The following NCDN variants were observed in gnomAD, a reference collection of about 807,000 sequenced individuals.
NCDN encodes the protein norbin.
Under a neutral mutation model 60.7 loss-of-function variants are expected in NCDN, and 9 were observed. That is an observed-to-expected ratio of 0.15 (90% CI 0.09 to 0.26). The LOEUF (loss-of-function observed/expected upper bound fraction) is 0.26. Among genes scored for constraint, NCDN ranks in the 10% least tolerant of loss-of-function variants. The probability of loss-of-function intolerance (pLI) is 1.00; values close to 1 mark genes in which losing one functional copy is unlikely to be tolerated. For synonymous variants in NCDN, 409 were observed against 442.5 expected (o/e 0.92, Z 0.95); for missense variants, 578 against 975.2 (o/e 0.59, Z 5.42).
In NCDN at chr1:35,558,449, C is replaced by T. The variant is rs1648497503; in HGVS notation, c.33+226C>T. 6.9e-7 allele frequency: 1 copy of T among 1,439,478 alleles called. No individual in the cohort carries two copies. The highest frequency in any genetic ancestry group is 9.1e-7 in the Non-Finnish European group (1 of 1,100,946). The allele number at this position is 1,439,478 out of a possible 1,614,324, so 89.2% of individuals were successfully genotyped here. On this transcript the variant is annotated intron_variant, in intron 1 of 6. Transcript: ENST00000373243. The surrounding 1 kb of genome is among the most constrained non-coding windows in gnomAD (Gnocchi z 6.3). ...GCTGCCGCCGCCGCTGCTGCTGCTG[C>T]TGCAGCCTCTACCCGAGGGAGGGAA...
Position 35,562,258 on chromosome 1 carries a change from G to A in NCDN, c.1144-134G>A, listed in dbSNP as rs1223948684. ...TGCTGGGTTCATGGGACAGAATAAA[G>A]GTTGGGGCCTGCCTTTGAAAGGCTC... On this transcript the variant is annotated intron_variant, in intron 3 of 6. Coordinates refer to ENST00000373243, the MANE Select transcript of NCDN (RefSeq NM_014284.3). The surrounding 1 kb of genome is among the most constrained non-coding windows in gnomAD (Gnocchi z 6.8). The A allele has an allele frequency of 4.6e-6, 6 of 1,308,354 alleles. No individual in the cohort carries two copies. The highest frequency in any genetic ancestry group is 6.4e-6 in the Non-Finnish European group (6 of 942,050). The allele number at this position is 1,308,354 out of a possible 1,614,324, so 81.0% of individuals were successfully genotyped here.
Position 35,562,314 on chromosome 1 carries a change from T to A in NCDN, c.1144-78T>A. 1 of 1,560,606 alleles carries A rather than the reference T, an allele frequency of 6.4e-7. No homozygotes were observed. ...CCAGAATTTCCTTCTAGTTGTATTA[T>A]TTCTAGCTGGCTGGCCTCTGGCAAG... On this transcript the variant is annotated intron_variant, in intron 3 of 6. Transcript: ENST00000373243. This position sits in a 1 kb window ranked among gnomAD's most constrained non-coding sequence, Gnocchi z 6.8.
At position 35,558,342 on chromosome 1, in the gene NCDN, T is replaced by A. The variant is rs1308007332; in HGVS notation, c.33+119T>A. On this transcript the variant is annotated intron_variant, in intron 1 of 6. Coordinates refer to ENST00000373243, the MANE Select transcript of NCDN (RefSeq NM_014284.3). The surrounding 1 kb of genome is among the most constrained non-coding windows in gnomAD (Gnocchi z 6.3). ...GGAACTATCCGGGACCCCCTCTTGC[T>A]TCTCCAGCCCCTGCCGGCATCCACA... is the stretch of plus-strand genomic sequence containing the variant. 2 of 1,550,516 alleles carry A rather than the reference T, an allele frequency of 1.3e-6. No homozygotes were observed. Among genetic ancestry groups the A allele is most frequent in the Admixed American group, 3.6e-5 (2 of 55,576 alleles).
At position 35,562,353 on chromosome 1, in the gene NCDN, C is replaced by T; in HGVS notation, c.1144-39C>T. 1 of 1,601,996 alleles carries T rather than the reference C, an allele frequency of 6.2e-7. No individual in the cohort carries two copies. The highest frequency in any genetic ancestry group is 8.5e-7 in the Non-Finnish European group (1 of 1,172,242). On this transcript the variant is annotated intron_variant, in intron 3 of 6. Transcript: ENST00000373243. The surrounding 1 kb of genome is among the most constrained non-coding windows in gnomAD (Gnocchi z 6.8). ...GCCTCTGGCAAGGCAGGGAGGGTCC[C>T]TGGTCCTGCTCCATCTCAAGGGGGT... is the stretch of plus-strand genomic sequence containing the variant.
At chr1:35,559,063 T>G (rs759954862) in intron 1 of NCDN, 44 bp from the exon 2 acceptor site, 867 of 399,754 alleles carry the variant, frequency 2.2e-3, no homozygotes, top group Non-Finnish European at 3.0e-3. Context: ...CCCACCCCCG[T>G]CCCTCCTCTG....
Position 35,565,911 on chromosome 1 carries a change from C to T in NCDN, c.*248C>T. On this transcript the variant is annotated 3_prime_UTR_variant, in exon 7 of 7. Coordinates refer to ENST00000373243, the MANE Select transcript of NCDN (RefSeq NM_014284.3). This position sits in a 1 kb window ranked among gnomAD's most constrained non-coding sequence, Gnocchi z 8.9. ...AATCAACGTGGTTGTCCCCGCCAGG[C>T]CGGGGAAGGTTGGAGCAGCCCCCAG... The T allele has an allele frequency of 5.9e-6, 3 of 510,228 alleles. No individual in the cohort carries two copies. The highest frequency in any genetic ancestry group is 4.8e-5 in the South Asian group (2 of 42,046). The allele number at this position is 510,228 out of a possible 1,614,324, so 31.6% of individuals were successfully genotyped here.
intron 2 of NCDN, among the ~76,000 whole-genome samples, chr1:35,559,893 C>T (rs921781905): frequency 6.6e-6 from 1 of 151,962 alleles, no homozygotes; most frequent in Non-Finnish European, 1.5e-5. Flanking sequence ...ACAGGCGGAG[C>T]GGCGAGACAC....
chr1:35,563,203 C>T lies in NCDN; in HGVS notation c.1387C>T (p.Leu463Phe). 1.2e-6 allele frequency: 2 copies of T among 1,611,668 alleles called. No individual in the cohort carries two copies. The highest frequency in any genetic ancestry group is 2.2e-5 in the South Asian group (2 of 90,928). The stretch of plus-strand genomic sequence containing the variant: ...CGTCTGTCCCTTCCACATCCCCAGG[C>T]TCCTCCTGCCTGGCTGGTGCCACCT... Reference protein sequence around the residue: ...GPTWPGDALRLLLPGWCHLTV... With the variant: ...GPTWPGDALRFLLPGWCHLTV... The change falls in exon 5 of 7, where the codon CTC (leucine) becomes TTC (phenylalanine). Residue 463 changes from leucine (L) to phenylalanine (F), a missense_variant and splice_region_variant. Physicochemically the swap from Leu to Phe is conservative, Grantham distance 22. This residue lies in a region of NCDN where 191 missense variants were observed against 372.1 expected (regional missense o/e 0.51). Transcript: ENST00000373243. The surrounding 1 kb of genome is among the most constrained non-coding windows in gnomAD (Gnocchi z 6.6).
Position 35,565,792 on chromosome 1 carries a change from CT to C in NCDN, c.*133del. The C allele has an allele frequency of 9.4e-7, 1 of 1,069,382 alleles. No individual in the cohort carries two copies. The highest frequency in any genetic ancestry group is 1.3e-6 in the Non-Finnish European group (1 of 769,752). The allele number at this position is 1,069,382 out of a possible 1,614,324, so 66.2% of individuals were successfully genotyped here. The stretch of plus-strand genomic sequence containing the variant: ...TCCCCAAAACACCCCAGCTTTCTGG[CT>C]TTTCTGAGGGCAAGGGCATGGTGCC... On this transcript the variant is annotated 3_prime_UTR_variant, in exon 7 of 7. Transcript: ENST00000373243. This position sits in a 1 kb window ranked among gnomAD's most constrained non-coding sequence, Gnocchi z 8.9.
chr1:35,558,727 C>A lies in NCDN; in HGVS notation c.34-380C>A. 1 of 1,145,284 alleles carries A rather than the reference C, an allele frequency of 8.7e-7. No homozygotes were observed. The highest frequency in any genetic ancestry group is 1.1e-6 in the Non-Finnish European group (1 of 924,588). 70.9% of individuals were successfully genotyped at this position (1,145,284 alleles called of 1,614,324 possible). A position where few individuals can be genotyped will look rare whatever the true frequency, so the allele number is the denominator to read the frequency against. ...CCCTGTCTGTCCTCACCACTCACTC[C>A]CTCTGTGTCCCTGTGGAGGGAGATA... On this transcript the variant is annotated intron_variant, in intron 1 of 6. Transcript: ENST00000373243. The surrounding 1 kb of genome is among the most constrained non-coding windows in gnomAD (Gnocchi z 6.3).
In NCDN at chr1:35,561,228, A is replaced by G. The variant is rs1426796827; in HGVS notation, c.1077A>G (p.Pro359=). The G allele has an allele frequency of 1.2e-6, 2 of 1,611,728 alleles. No individual in the cohort carries two copies. Among genetic ancestry groups the G allele is most frequent in the Non-Finnish European group, 1.7e-6 (2 of 1,179,382 alleles). The change falls in exon 3 of 7, where the codon CCA becomes CCG. Residue 359 remains proline, a synonymous_variant. Coordinates refer to ENST00000373243, the MANE Select transcript of NCDN (RefSeq NM_014284.3). This position sits in a 1 kb window ranked among gnomAD's most constrained non-coding sequence, Gnocchi z 4.9. Reference sequence around the variant, plus strand: ...GTGAGCAGTCACTGCTTAAGGAGCCACAGAAGGTGCAGCTCGTGAGCGTCA... The same window carrying G: ...GTGAGCAGTCACTGCTTAAGGAGCCGCAGAAGGTGCAGCTCGTGAGCGTCA... ...TRCEQSLLKE[P]QKVQLVSVMK...
Position 35,563,658 on chromosome 1 carries a change from T to C in NCDN, c.1611-109T>C. The C allele has an allele frequency of 7.3e-7, 1 of 1,372,156 alleles. No individual in the cohort carries two copies. Among genetic ancestry groups the C allele is most frequent in the South Asian group, 1.3e-5 (1 of 75,190 alleles). The allele number at this position is 1,372,156 out of a possible 1,614,324, so 85.0% of individuals were successfully genotyped here. ...TCCAATCTCTGCCCCCCAGATGCTA[T>C]GTTTGGGGCCCAAAGTTAATCACCC... On this transcript the variant is annotated intron_variant, in intron 5 of 6. Transcript: ENST00000373243. The surrounding 1 kb of genome is among the most constrained non-coding windows in gnomAD (Gnocchi z 6.6).
Position 35,558,798 on chromosome 1 carries a change from G to A in NCDN, c.34-309G>A. 1 of 911,840 alleles carries A rather than the reference G, an allele frequency of 1.1e-6. No homozygotes were observed. The highest frequency in any genetic ancestry group is 1.5e-6 in the Non-Finnish European group (1 of 685,254). 56.5% of individuals were successfully genotyped at this position (911,840 alleles called of 1,614,324 possible). On this transcript the variant is annotated intron_variant, in intron 1 of 6. Transcript: ENST00000373243. The surrounding 1 kb of genome is among the most constrained non-coding windows in gnomAD (Gnocchi z 6.3). ...GGGGGACAGCTGAGCAGTGGGGCCA[G>A]CTCCCGCCCACCCCCAGGAGACTGG... is the stretch of plus-strand genomic sequence containing the variant.
Position 35,565,219 on chromosome 1 carries a change from C to T in NCDN, c.1754-8C>T. The T allele has an allele frequency of 6.3e-7, 1 of 1,595,372 alleles. No individual in the cohort carries two copies. The highest frequency in any genetic ancestry group is 8.6e-7 in the Non-Finnish European group (1 of 1,166,890). On this transcript the variant is annotated splice_polypyrimidine_tract_variant and splice_region_variant and intron_variant, in intron 6 of 6. Transcript: ENST00000373243. The surrounding 1 kb of genome is among the most constrained non-coding windows in gnomAD (Gnocchi z 8.9). ...GATTCATGCCCCACTCCTTCCGTTA[C>T]CTTGCAGCTCTTCAGGGAACACCAG... is the stretch of plus-strand genomic sequence containing the variant.
chr1:35,562,595 C>A lies in NCDN; in HGVS notation c.1347C>A (p.Pro449=). ...SQQVANLAIS[P]TTPGPTWPGD... The stretch of plus-strand genomic sequence containing the variant: ...AGGTGGCCAACCTGGCCATCTCCCC[C>A]ACCACCCCAGGGCCCACCTGGCCAG... The change falls in exon 4 of 7, where the codon CCC becomes CCA. Residue 449 remains proline (P), a synonymous_variant. Transcript: ENST00000373243. This position sits in a 1 kb window ranked among gnomAD's most constrained non-coding sequence, Gnocchi z 6.8. 1 of 1,613,920 alleles carries A rather than the reference C, an allele frequency of 6.2e-7. No individual in the cohort carries two copies. Among genetic ancestry groups the A allele is most frequent in the Non-Finnish European group, 8.5e-7 (1 of 1,179,916 alleles).
In NCDN at chr1:35,565,388, C is replaced by T. The variant is rs781734105; in HGVS notation, c.1915C>T (p.Leu639=). The change falls in exon 7 of 7, where the codon CTG becomes TTG. Residue 639 remains leucine (L), a synonymous_variant. Coordinates refer to ENST00000373243, the MANE Select transcript of NCDN (RefSeq NM_014284.3). This position sits in a 1 kb window ranked among gnomAD's most constrained non-coding sequence, Gnocchi z 8.9. The part of the protein sequence containing the change: ...IWADLQELWF[L]GMQAFTGCVP... The stretch of plus-strand genomic sequence containing the variant: ...GGCCGACCTGCAGGAGCTCTGGTTC[C>T]TGGGCATGCAGGCCTTCACCGGCTG... The T allele has an allele frequency of 2.0e-5, 32 of 1,613,056 alleles. No homozygotes were observed. The highest frequency in any genetic ancestry group is 4.5e-5 in the East Asian group (2 of 44,822).
Position 35,559,190 on chromosome 1 carries a change from C to T in NCDN, c.117C>T (p.Tyr39=). 2 of 1,614,110 alleles carry T rather than the reference C, an allele frequency of 1.2e-6. No homozygotes were observed. The highest frequency in any genetic ancestry group is 3.3e-5 in the Admixed American group (2 of 60,026). Residue 39 remains tyrosine, a synonymous_variant, in exon 2 of 7, where the codon TAC becomes TAT. Transcript: ENST00000373243. ...GCCGAAACCCCACCCTGGAGCGCTA[C>T]CTGGGAGCCCTCCGTGAGGCCAAGA... is the stretch of plus-strand genomic sequence containing the variant. ...AEGRNPTLER[Y]LGALREAKND...
Position 35,561,196 on chromosome 1 carries a change from A to G in NCDN, c.1045A>G (p.Thr349Ala). The change falls in exon 3 of 7, where the codon ACT becomes GCT. Residue 349 changes from threonine to alanine, a missense_variant. By Grantham distance (58) the Thr-to-Ala change is moderately conservative. Transcript: ENST00000373243. This position sits in a 1 kb window ranked among gnomAD's most constrained non-coding sequence, Gnocchi z 4.9. Reference protein sequence around the residue: ...ALMELGIQECTRCEQSLLKEP... With the variant: ...ALMELGIQECARCEQSLLKEP... ...CATGGAGTTGGGGATCCAGGAATGC[A>G]CTCGCTGTGAGCAGTCACTGCTTAA... 6.2e-7 allele frequency: 1 copy of G among 1,607,952 alleles called. No homozygotes were observed. The highest frequency in any genetic ancestry group is 8.5e-7 in the Non-Finnish European group (1 of 1,177,544).
chr1:35,560,989 C>A lies in NCDN; in HGVS notation c.838C>A (p.Pro280Thr), dbSNP rs1453991915. ...GSKLSSWQRN[P>T]ALKLAARLAH... ...CAAGCTGAGCTCCTGGCAGCGCAAC[C>A]CTGCACTGAAGCTGGCAGCCCGCCT... The change falls in exon 3 of 7, where the codon CCT (proline) becomes ACT (threonine). Residue 280 changes from proline (P) to threonine (T), a missense_variant. Pro to Thr is a conservative substitution (Grantham distance 38). Around this residue, in one of 3 missense-constraint regions of NCDN, gnomAD observed 363 missense variants for 583.6 expected, o/e 0.62. Coordinates refer to ENST00000373243, the MANE Select transcript of NCDN (RefSeq NM_014284.3). The surrounding 1 kb of genome is among the most constrained non-coding windows in gnomAD (Gnocchi z 7.6). 6.2e-7 allele frequency: 1 copy of A among 1,612,874 alleles called. No individual in the cohort carries two copies. The highest frequency in any genetic ancestry group is 1.1e-5 in the South Asian group (1 of 91,042).
Sources: gnomAD v4.1 joint callset for allele counts (sites outside exome capture counted in the v4.1 genomes callset) on GRCh38, gnomAD v4.1.1 for gene constraint, gnomAD v4.1.1 regional missense constraint, Gnocchi (gnomAD v3.1) non-coding constraint, MANE v1.5 for transcripts, NCBI Gene and HGNC (gene_info 2026-07-23, HGNC 2026-07-21) for gene names.